CHIA: variants seen among roughly 807,000 people sequenced by gnomAD.
CHIA encodes chitinase acidic, also known as acidic mammalian chitinase.
In CHIA, 47 loss-of-function variants were observed where a neutral mutation model predicts 53.5. The ratio of observed to expected loss-of-function variants is 0.88; its 90% confidence interval spans 0.70 to 1.12. The LOEUF (loss-of-function observed/expected upper bound fraction) is 1.12. CHIA is among the 50% of genes most tolerant of loss of function. The probability of loss-of-function intolerance (pLI) is 0.00; values close to 1 mark genes in which losing one functional copy is unlikely to be tolerated. For missense variants in CHIA, 652 were observed against 592.2 expected (o/e 1.10, Z -1.05); for synonymous variants, 268 against 222.2 (o/e 1.21, Z -1.83).
chr1:111,318,458 G>T (rs1236102252), intron 8 of CHIA, 35 bp from the exon 9 acceptor site: 1 of 1,580,222 alleles, frequency 6.3e-7, no homozygotes, highest in Non-Finnish European at 8.7e-7. Flanking sequence ...GTCCTCAGCT[G>T]GTTGGGCCAT....
chr1:111,297,901 C>CAAAAAAAAAAAAAAA (rs1188512345), intron 1 of CHIA, among the ~76,000 whole-genome samples: 83 of 31,848 alleles, frequency 2.6e-3, no homozygotes, highest in East Asian at 3.2e-3. Flanking sequence ...AAATGGAAAG[C>CAAAAAAAAAAAAAAA]AAAAAAAAAA....
intron 1 of CHIA, among the ~76,000 whole-genome samples, chr1:111,296,166 CAG>C (rs1159993063): frequency 1.3e-5 from 2 of 152,354 alleles, no homozygotes; most frequent in East Asian, 3.9e-4. Context: ...GAAACTTCCG[CAG>C]ACTTAAACAT....
chr1:111,290,902 G>A lies in CHIA; in HGVS notation c.-117G>A, dbSNP rs1660973642. On this transcript the variant is annotated 5_prime_UTR_variant, in exon 1 of 12. Coordinates refer to ENST00000369740, the MANE Select transcript of CHIA (RefSeq NM_201653.4). The stretch of plus-strand genomic sequence containing the variant: ...GTGCACGAACAGGTGGCCGACTCTG[G>A]AGCCCAGGCTGTTGCTTTCCAGTCT... The A allele has an allele frequency of 2.1e-6, 1 of 468,960 alleles. No homozygotes were observed. The allele number at this position is 468,960 out of a possible 1,614,324, so 29.0% of individuals were successfully genotyped here.
rs369721410 is a variant in CHIA at position 111,291,279 on chromosome 1, A to T, written c.-69+329A>T. On this transcript the variant is annotated intron_variant, in intron 1 of 11. Coordinates refer to ENST00000369740, the MANE Select transcript of CHIA (RefSeq NM_201653.4). ...ACCAACTCAAATGCCCATCAATGAT[A>T]GACTGGATAAAGAAAATGTGGTACA... Among the ~76,000 whole-genome samples, 3 of 152,332 alleles carry T rather than the reference A, an allele frequency of 2.0e-5. No individual in the cohort carries two copies. In the East Asian group the frequency reaches 5.8e-4, roughly 29 times the overall value.
At position 111,319,250 on chromosome 1, in the gene CHIA, T is replaced by C; in HGVS notation, c.1035+11T>C. 1 of 1,614,174 alleles carries C rather than the reference T, an allele frequency of 6.2e-7. No individual in the cohort carries two copies. The highest frequency in any genetic ancestry group is 8.5e-7 in the Non-Finnish European group (1 of 1,180,018). On this transcript the variant is annotated intron_variant, in intron 10 of 11. Transcript: ENST00000369740. ...AGCTTCGATATTAAGGTAAGATCAG[T>C]CCCTTAAATGTGCTGAGGTCCCAGC... is the stretch of plus-strand genomic sequence containing the variant.
intron 2 of CHIA, 94 bp downstream of exon 2, chr1:111,310,586 C>G (rs1302483119): frequency 1.3e-6 from 2 of 1,571,478 alleles, no homozygotes; most frequent in Non-Finnish European, 1.7e-6. Flanking sequence ...CATACTACAT[C>G]CCTATACTTT....
intron 1 of CHIA, among the ~76,000 whole-genome samples, chr1:111,306,951 C>A (rs531179998): frequency 2.6e-4 from 39 of 152,288 alleles, no homozygotes; most frequent in Non-Finnish European, 5.3e-4. Flanking sequence ...TCTGATGATT[C>A]AGTTTTGGCA....
intron 1 of CHIA, among the ~76,000 whole-genome samples, chr1:111,307,576 G>A (rs887833878): frequency 6.6e-6 from 1 of 152,048 alleles, no homozygotes. Context: ...GAAGTATGTA[G>A]GGTAATAGTC....
At chr1:111,304,028 T>A (rs1273714991) in intron 1 of CHIA, among the ~76,000 whole-genome samples, 1 of 152,142 alleles carries the variant, frequency 6.6e-6, no homozygotes, top group Non-Finnish European at 1.5e-5. Context: ...TGGTTGACAC[T>A]TTTTTTCTTT....
At chr1:111,298,408 C>T (rs984329468) in intron 1 of CHIA, among the ~76,000 whole-genome samples, 13 of 152,128 alleles carry the variant, frequency 8.5e-5, no homozygotes, top group South Asian at 2.1e-4. Context: ...AAGACCACAG[C>T]GCAATCAAAT....
rs1339559846 is a variant in CHIA at position 111,319,102 on chromosome 1, T to C, written c.916-18T>C. Reference sequence around the variant, plus strand: ...GGGAGTAACATTTAATAGATTTGAATCTCTTGACTTTTGAAAGATCTGTAC... The same window carrying C: ...GGGAGTAACATTTAATAGATTTGAACCTCTTGACTTTTGAAAGATCTGTAC... On this transcript the variant is annotated intron_variant, in intron 9 of 11. Transcript: ENST00000369740. The C allele has an allele frequency of 3.7e-6, 6 of 1,601,892 alleles. No homozygotes were observed. Among genetic ancestry groups the C allele is most frequent in the Non-Finnish European group, 5.1e-6 (6 of 1,176,868 alleles).
chr1:111,296,678 C>T (rs1362554772), intron 1 of CHIA, among the ~76,000 whole-genome samples: 3 of 152,182 alleles, frequency 2.0e-5, no homozygotes, highest in African/African-American at 4.8e-5. Context: ...TCCAAAGGAT[C>T]GCATCTACTT....
chr1:111,293,907 C>T (rs1016046386), intron 1 of CHIA, among the ~76,000 whole-genome samples: 1 of 152,098 alleles, frequency 6.6e-6, no homozygotes. Context: ...TGGCAAAACC[C>T]TGTTCCTATA....
In CHIA at chr1:111,320,520, T is replaced by C. The variant is rs887793812; in HGVS notation, c.*54T>C. On this transcript the variant is annotated 3_prime_UTR_variant, in exon 12 of 12. Transcript: ENST00000369740. ...TCCAGTCTCTTTTGCTTAGGACATG[T>C]TGCCCCTACCTAAAGTCCTGCAATA... The C allele has an allele frequency of 1.2e-5, 19 of 1,538,858 alleles. No homozygotes were observed. The highest frequency in any genetic ancestry group is 1.7e-5 in the Non-Finnish European group (19 of 1,118,378).
At chr1:111,308,052 T>C (rs977563919) in intron 1 of CHIA, among the ~76,000 whole-genome samples, 1 of 152,226 alleles carries the variant, frequency 6.6e-6, no homozygotes, top group Non-Finnish European at 1.5e-5. Context: ...AGGATACACA[T>C]GGTCACAGTT....
intron 8 of CHIA, 103 bp from the exon 9 acceptor site, chr1:111,318,390 A>C (rs780421428): frequency 9.7e-7 from 1 of 1,033,824 alleles, no homozygotes; most frequent in Non-Finnish European, 1.4e-6. Context: ...ATCCATCTGG[A>C]ATTAACAGCA....
chr1:111,296,583 G>T (rs912939627), intron 1 of CHIA, among the ~76,000 whole-genome samples: 8 of 152,190 alleles, frequency 5.3e-5, no homozygotes, highest in Admixed American at 5.2e-4. Flanking sequence ...CAACATCAAA[G>T]ACCAAAGGTA....
chr1:111,291,880 T>C (rs1661046986), intron 1 of CHIA, among the ~76,000 whole-genome samples: 1 of 151,666 alleles, frequency 6.6e-6, no homozygotes, highest in Non-Finnish European at 1.5e-5. Context: ...CTAAAGCATG[T>C]GGGGCTTCAT....
intron 1 of CHIA, among the ~76,000 whole-genome samples, chr1:111,296,538 A>C (rs1294380950): frequency 6.6e-6 from 1 of 152,250 alleles, no homozygotes; most frequent in Non-Finnish European, 1.5e-5. Context: ...ATCAACAAAA[A>C]GGGAATCCAC....
Sources: allele counts gnomAD v4.1 joint callset (sites outside exome capture counted in the v4.1 genomes callset), GRCh38; gene constraint gnomAD v4.1.1; transcripts MANE v1.5; gene names NCBI Gene and HGNC (gene_info 2026-07-23, HGNC 2026-07-21).